Variants in ITGA2 observed in about 807,000 individuals in gnomAD.
ITGA2 encodes integrin alpha-2.
ITGA2 carries 101 observed loss-of-function variants against 146.3 expected under a neutral mutation model. The observed-to-expected ratio is 0.69, with a 90% CI of 0.59 to 0.81. The LOEUF (loss-of-function observed/expected upper bound fraction) is 0.81, where lower values mean the gene tolerates loss of function less well. Ranked by LOEUF, ITGA2 falls within the 40% of genes least tolerant of loss-of-function variation. The probability of loss-of-function intolerance (pLI) is 0.00; values close to 1 mark genes in which losing one functional copy is unlikely to be tolerated. For synonymous variants in ITGA2, 477 were observed against 487.1 expected (o/e 0.98, Z 0.27); for missense variants, 1,281 against 1,402.7 (o/e 0.91, Z 1.39).
In ITGA2 at chr5:53,056,048, T is replaced by C; in HGVS notation, c.995T>C (p.Ile332Thr). ...TKNLIKEIKA[I>T]ASIPTERYFF... ...AATTTAATAAAAGAAATAAAAGCAA[T>C]CGCTAGTATTCCAACAGAAAGATAC... The change falls in exon 9 of 30, where the codon ATC (isoleucine) becomes ACC (threonine). Residue 332 changes from isoleucine (I) to threonine (T), a missense_variant. Around this residue, in one of 3 missense-constraint regions of ITGA2, gnomAD observed 795 missense variants for 841.7 expected, o/e 0.94. Coordinates refer to ENST00000296585, the MANE Select transcript of ITGA2 (RefSeq NM_002203.4). 6.2e-7 allele frequency: 1 copy of C among 1,610,268 alleles called. No individual in the cohort carries two copies. The highest frequency in any genetic ancestry group is 1.7e-4 in the Middle Eastern group (1 of 5,932).
intron 1 of ITGA2, among the ~76,000 whole-genome samples, chr5:53,024,544 AG>A (rs1248890308): frequency 5.9e-5 from 9 of 152,362 alleles, no homozygotes; most frequent in Admixed American, 1.3e-4. Context: ...CACAGACAAA[AG>A]AATATGGCTA....
chr5:53,072,053 G>A lies in ITGA2; in HGVS notation c.2346+5G>A. ...GAGACTGCCAAGGTCTTCAGTGTAAGTGCAGCTTACACTTCCTGGATTTAG... is the reference window on the plus strand; with the variant it reads ...GAGACTGCCAAGGTCTTCAGTGTAAATGCAGCTTACACTTCCTGGATTTAG... On this transcript the variant is annotated splice_donor_5th_base_variant and intron_variant, in intron 18 of 29. Transcript: ENST00000296585. 6.3e-7 allele frequency: 1 copy of A among 1,588,782 alleles called. No homozygotes were observed. The highest frequency in any genetic ancestry group is 1.1e-5 in the South Asian group (1 of 90,504).
chr5:53,035,162 T>G (rs1259179649), intron 2 of ITGA2, among the ~76,000 whole-genome samples: 1 of 152,218 alleles, frequency 6.6e-6, no homozygotes, highest in Non-Finnish European at 1.5e-5. Flanking sequence ...TACTAGCTCA[T>G]GAGCTTTGAT....
chr5:53,080,357 G>T (rs1179153790), intron 24 of ITGA2, among the ~76,000 whole-genome samples, 154 bp from the exon 25 acceptor site: 2 of 152,142 alleles, frequency 1.3e-5, no homozygotes, highest in Non-Finnish European at 2.9e-5. Flanking sequence ...GAGACACAGA[G>T]ACCTGAAGTG....
In ITGA2 at chr5:53,086,896, C is replaced by CTTCT. The variant is rs1746180139; in HGVS notation, c.3259-55_3259-52dup. On this transcript the variant is annotated intron_variant, in intron 27 of 29. Transcript: ENST00000296585. ...AATACATAAATCATAAGCATGCCAG[C>CTTCT]TTCTCTGCATTTGCTGCTGCTACGA... The CTTCT allele has an allele frequency of 3.0e-6, 4 of 1,332,100 alleles. No homozygotes were observed. The East Asian group carries it at 7.0e-5, about 23-fold the overall frequency. The allele number at this position is 1,332,100 out of a possible 1,614,324, so 82.5% of individuals were successfully genotyped here.
At position 53,016,800 on chromosome 5, in the gene ITGA2, C is replaced by T. The variant is rs540359719; in HGVS notation, c.65-9948C>T. On this transcript the variant is annotated intron_variant, in intron 1 of 29. Transcript: ENST00000296585. Reference sequence around the variant, plus strand: ...TGTTCATTCTTTTTTATTCTTTTTTCTTTATTTTTGACTGAGTTAATTTGG... The same window carrying T: ...TGTTCATTCTTTTTTATTCTTTTTTTTTTATTTTTGACTGAGTTAATTTGG... Among the ~76,000 whole-genome samples the T allele has an allele frequency of 1.8e-4, 28 of 151,608 alleles. No individual in the cohort carries two copies. In the South Asian group the frequency reaches 5.4e-3, roughly 29 times the overall value.
Position 53,073,169 on chromosome 5 carries a change from A to T in ITGA2, c.2481A>T (p.Val827=). Residue 827 remains valine (V), a synonymous_variant, in exon 20 of 30, where the codon GTA becomes GTT. Coordinates refer to ENST00000296585, the MANE Select transcript of ITGA2 (RefSeq NM_002203.4). Reference sequence around the variant, plus strand: ...AAAACAAAAGGTTAACATTTTCAGTAACGCTGAAAAATAAAAGGGAAAGTG... The same window carrying T: ...AAAACAAAAGGTTAACATTTTCAGTTACGCTGAAAAATAAAAGGGAAAGTG... The part of the protein sequence containing the change: ...SNQNKRLTFS[V]TLKNKRESAY... 6.2e-7 allele frequency: 1 copy of T among 1,612,156 alleles called. No individual in the cohort carries two copies. Among genetic ancestry groups the T allele is most frequent in the Admixed American group, 1.7e-5 (1 of 59,868 alleles).
At chr5:53,063,039 T>C (rs1744972613) in intron 13 of ITGA2, 110 bp downstream of exon 13, 1 of 903,030 alleles carries the variant, frequency 1.1e-6, no homozygotes, top group East Asian at 2.7e-5. Context: ...GCACAGATAG[T>C]ATGGTTTACA....
chr5:53,090,121 T>A (rs1740339680), intron 29 of ITGA2, 59 bp downstream of exon 29: 4 of 992,458 alleles, frequency 4.0e-6, no homozygotes, highest in East Asian at 2.4e-5. Context: ...TTGAATTTGC[T>A]TACAAAACAT....
rs891220369 is a variant in ITGA2, at chr5:53,062,844, C to T, written c.1517C>T (p.Thr506Ile). ...CSVDVDKDTI[T>I]DVLLVGAPMY... is the part of the protein sequence containing the mutation. ...GTTGATGTGGATAAAGACACCATTA[C>T]AGACGTGCTCTTGGTAGGTGCACCA... is the stretch of plus-strand genomic sequence containing the variant. Residue 506 changes from threonine to isoleucine, a missense_variant, in exon 13 of 30, where the codon ACA (threonine) becomes ATA (isoleucine). Physicochemically the swap from Thr to Ile is moderately conservative, Grantham distance 89 (BLOSUM62 -1). Around this residue, in one of 3 missense-constraint regions of ITGA2, gnomAD observed 795 missense variants for 841.7 expected, o/e 0.94. Coordinates refer to ENST00000296585, the MANE Select transcript of ITGA2 (RefSeq NM_002203.4). The T allele has an allele frequency of 1.2e-6, 2 of 1,611,242 alleles. No individual in the cohort carries two copies. Among genetic ancestry groups the T allele is most frequent in the Non-Finnish European group, 1.7e-6 (2 of 1,178,376 alleles).
In ITGA2 at chr5:53,075,083, A is replaced by C; in HGVS notation, c.2687A>C (p.Asp896Ala). Residue 896 changes from aspartate to alanine, a missense_variant, in exon 22 of 30, where the codon GAC becomes GCC. Around this residue, in one of 3 missense-constraint regions of ITGA2, gnomAD observed 475 missense variants for 530.5 expected, o/e 0.90. Transcript: ENST00000296585. ...EQQVTFTINF[D>A]FNLQNLQNQA... ...TAGGTGACTTTTACTATTAACTTTG[A>C]CTTCAATCTTCAAAACCTTCAGAAT... 1 of 1,611,060 alleles carries C rather than the reference A, an allele frequency of 6.2e-7. No homozygotes were observed. Among genetic ancestry groups the C allele is most frequent in the Non-Finnish European group, 8.5e-7 (1 of 1,178,340 alleles).
At chr5:53,014,422 C>T (rs1046913847) in intron 1 of ITGA2, among the ~76,000 whole-genome samples, 6 of 152,038 alleles carry the variant, frequency 3.9e-5, no homozygotes, top group African/African-American at 4.8e-5. Flanking sequence ...GCATTTGTTG[C>T]ACCAACTTGC....
chr5:53,020,683 A>ATTC lies in ITGA2; in HGVS notation c.65-6063_65-6062insCTT, dbSNP rs551190414. On this transcript the variant is annotated intron_variant, in intron 1 of 29. Transcript: ENST00000296585. ...ATTTTTATTTTATTTTATTATTATT[A>ATTC]TTATTTTTTTTTTGGTGAGGTGGAG... Among the ~76,000 whole-genome samples the ATTC allele has an allele frequency of 1.8e-3, 272 of 149,956 alleles. 1 individual carries two copies. The highest frequency in any genetic ancestry group is 6.5e-3 in the African/African-American group (265 of 41,006).
At chr5:52,989,865 CAG>C (rs1202870351) in intron 1 of ITGA2, among the ~76,000 whole-genome samples, 1 of 151,664 alleles carries the variant, frequency 6.6e-6, no homozygotes, top group African/African-American at 2.4e-5. Flanking sequence ...CAAGCATGGA[CAG>C]TGTGGGGATC....
At chr5:52,992,691 T>C (rs1372785924) in intron 1 of ITGA2, among the ~76,000 whole-genome samples, 1 of 152,200 alleles carries the variant, frequency 6.6e-6, no homozygotes, top group Non-Finnish European at 1.5e-5. Flanking sequence ...TCTTTTCTTA[T>C]CTCTCCAACC....
chr5:53,044,857 A>G, intron 3 of ITGA2, 144 bp from the exon 4 acceptor site: 1 of 677,826 alleles, frequency 1.5e-6, no homozygotes, highest in Non-Finnish European at 2.7e-6. Context: ...GTTTCCCCAC[A>G]CTTCATTATA....
chr5:53,013,366 ATTTC>A (rs1156768242), intron 1 of ITGA2, among the ~76,000 whole-genome samples: 1 of 141,490 alleles, frequency 7.1e-6, no homozygotes, highest in Non-Finnish European at 1.5e-5. Context: ...TCCTTTCCCT[ATTTC>A]TTTCTTTTTT....
chr5:53,048,806 T>G, intron 6 of ITGA2, 36 bp downstream of exon 6: 2 of 1,608,820 alleles, frequency 1.2e-6, no homozygotes, highest in East Asian at 2.2e-5. Flanking sequence ...AACTTATGGC[T>G]TTCTTTCTGA....
At chr5:53,048,576 A>G in intron 5 of ITGA2, 67 bp from the exon 6 acceptor site, 1 of 1,613,430 alleles carries the variant, frequency 6.2e-7, no homozygotes, top group Non-Finnish European at 8.5e-7. Flanking sequence ...CTTAAGTCTC[A>G]TTTTTATATG....
Sources: gnomAD v4.1 joint callset for allele counts (sites outside exome capture counted in the v4.1 genomes callset) on GRCh38, gnomAD v4.1.1 for gene constraint, gnomAD v4.1.1 regional missense constraint, MANE v1.5 for transcripts, NCBI Gene and HGNC (gene_info 2026-07-23, HGNC 2026-07-21) for gene names.